IL1RAPL1: variants seen among roughly 807,000 people sequenced by gnomAD.
IL1RAPL1 encodes interleukin 1 receptor accessory protein like 1, also known as interleukin-1 receptor accessory protein-like 1.
IL1RAPL1 carries 3 observed loss-of-function variants against 48.4 expected under a neutral mutation model. The ratio of observed to expected loss-of-function variants is 0.06; its 90% CI spans 0.03 to 0.16. IL1RAPL1 has a LOEUF of 0.16. Among genes scored for constraint, IL1RAPL1 ranks in the 10% least tolerant of loss-of-function variants. IL1RAPL1 has a pLI of 1.00. For missense variants in IL1RAPL1, 349 were observed against 530.6 expected (o/e 0.66, Z 3.36); for synonymous variants, 185 against 187.7 (o/e 0.99, Z 0.12).
intron 2 of IL1RAPL1, among the ~76,000 whole-genome samples, chrX:29,059,219 G>C (rs1183804783): frequency 9.0e-6 from 1 of 110,846 alleles, no homozygotes; most frequent in Non-Finnish European, 1.9e-5. Flanking sequence ...TTTTGCCCAG[G>C]TACTATGTTT....
rs760315646 is a variant in IL1RAPL1 at position 29,009,655 on chromosome X, G to A, written c.82+220230G>A. ...CCAGTACCGTGCTGTTTTGATTACT[G>A]TAGCCTTGTAGTATGGTTTCAAATC... On this transcript the variant is annotated intron_variant, in intron 2 of 10. Transcript: ENST00000378993. Among the ~76,000 whole-genome samples, 461 of 112,164 alleles carry A rather than the reference G, an allele frequency of 4.1e-3. 1 individual carries two copies. The highest frequency in any genetic ancestry group is 0.014 in the African/African-American group (428 of 30,892).
chrX:29,156,785 A>G (rs1323629823), intron 2 of IL1RAPL1, among the ~76,000 whole-genome samples: 1 of 111,683 alleles, frequency 9.0e-6, no homozygotes, highest in African/African-American at 3.3e-5. Flanking sequence ...ACTCATTTTT[A>G]TCATAGCCAG....
intron 5 of IL1RAPL1, among the ~76,000 whole-genome samples, chrX:29,510,713 C>CTTAG (rs1332750741): frequency 9.0e-6 from 1 of 111,515 alleles, no homozygotes; most frequent in Non-Finnish European, 1.9e-5. Flanking sequence ...CCATGCCATC[C>CTTAG]TTAGGTCTTA....
intron 2 of IL1RAPL1, among the ~76,000 whole-genome samples, chrX:28,792,076 C>T (rs1445486303): frequency 8.9e-6 from 1 of 111,774 alleles, no homozygotes; most frequent in African/African-American, 3.3e-5. Context: ...AAGAGGACTT[C>T]TTATCTTTCT....
intron 2 of IL1RAPL1, among the ~76,000 whole-genome samples, chrX:28,936,274 A>G (rs755072250): frequency 1.2e-4 from 13 of 111,144 alleles, no homozygotes; most frequent in African/African-American, 3.9e-4. Flanking sequence ...AAAATAGCAT[A>G]CAGAACATTC....
chrX:29,895,069 C>G (rs749242178), intron 6 of IL1RAPL1, among the ~76,000 whole-genome samples: 2 of 108,844 alleles, frequency 1.8e-5, no homozygotes, highest in South Asian at 8.3e-4. Flanking sequence ...GGTGATCCAC[C>G]CACCTCGGCC....
intron 2 of IL1RAPL1, among the ~76,000 whole-genome samples, chrX:28,853,493 G>T (rs1272613940): frequency 3.7e-5 from 4 of 107,091 alleles, no homozygotes; most frequent in Admixed American, 3.0e-4. Context: ...GTGTGCGCGC[G>T]CACACACACA....
intron 5 of IL1RAPL1, among the ~76,000 whole-genome samples, chrX:29,448,527 T>C (rs908314815): frequency 1.8e-5 from 2 of 112,160 alleles, no homozygotes; most frequent in African/African-American, 6.5e-5. Flanking sequence ...TTACTAAGAC[T>C]CTTTGACATG....
chrX:29,037,377 G>C (rs1926752184), intron 2 of IL1RAPL1, among the ~76,000 whole-genome samples: 1 of 111,545 alleles, frequency 9.0e-6, no homozygotes. Flanking sequence ...TTAGTTCCTA[G>C]ATAGGGAGGA....
intron 8 of IL1RAPL1, among the ~76,000 whole-genome samples, chrX:29,925,806 G>A (rs569070327): frequency 1.8e-5 from 2 of 111,442 alleles, no homozygotes; most frequent in African/African-American, 6.5e-5. Flanking sequence ...TCCCAAAGTG[G>A]TGGGATTACA....
chrX:29,738,691 C>T (rs953743420), intron 6 of IL1RAPL1, among the ~76,000 whole-genome samples: 10 of 111,001 alleles, frequency 9.0e-5, no homozygotes, highest in Admixed American at 1.9e-4. Flanking sequence ...CTGCCTGCTT[C>T]GGCCTCCCGA....
chrX:29,839,877 C>T (rs113496235), intron 6 of IL1RAPL1, among the ~76,000 whole-genome samples: 171 of 112,225 alleles, frequency 1.5e-3, no homozygotes, highest in African/African-American at 5.4e-3. Flanking sequence ...GTTGTGATCA[C>T]GCCGCACCAC....
At chrX:29,718,781 T>TC (rs746969395) in intron 6 of IL1RAPL1, among the ~76,000 whole-genome samples, 2 of 109,358 alleles carry the variant, frequency 1.8e-5, no homozygotes, top group African/African-American at 6.7e-5. Flanking sequence ...ATGCAGGGAG[T>TC]CCTTGAACAG....
At chrX:29,545,455 T>A (rs1409163683) in intron 5 of IL1RAPL1, among the ~76,000 whole-genome samples, 1 of 111,645 alleles carries the variant, frequency 9.0e-6, no homozygotes, top group Non-Finnish European at 1.9e-5. Context: ...AAATCAAGAC[T>A]TAGAGCATTC....
intron 1 of IL1RAPL1, among the ~76,000 whole-genome samples, chrX:28,741,424 T>C (rs1935905106): frequency 8.9e-6 from 1 of 111,734 alleles, no homozygotes; most frequent in Admixed American, 9.5e-5. Flanking sequence ...TTAAATTCCT[T>C]ATAGATTCTA....
intron 6 of IL1RAPL1, among the ~76,000 whole-genome samples, chrX:29,724,229 C>A (rs1927718613): frequency 9.0e-6 from 1 of 111,578 alleles, no homozygotes; most frequent in South Asian, 3.8e-4. Flanking sequence ...GCTCCCAGAT[C>A]CTCCTCACTG....
intron 1 of IL1RAPL1, among the ~76,000 whole-genome samples, chrX:28,721,695 C>G (rs1405051393): frequency 9.0e-6 from 1 of 111,091 alleles, no homozygotes; most frequent in African/African-American, 3.3e-5. Flanking sequence ...ATGGTATTGC[C>G]TAGGTTTTCT....
chrX:28,670,771 T>A (rs1934940109), intron 1 of IL1RAPL1, among the ~76,000 whole-genome samples: 1 of 112,245 alleles, frequency 8.9e-6, no homozygotes, highest in Non-Finnish European at 1.9e-5. Context: ...ATTATTCTAA[T>A]GACCAGTCAT....
chrX:29,533,806 G>A (rs767884865), intron 5 of IL1RAPL1, among the ~76,000 whole-genome samples: 84 of 111,679 alleles, frequency 7.5e-4, no homozygotes, highest in Non-Finnish European at 1.3e-3. Flanking sequence ...TAAATTGATT[G>A]TTTCATACTA....
Sources: allele counts gnomAD v4.1 joint callset (sites outside exome capture counted in the v4.1 genomes callset), GRCh38; gene constraint gnomAD v4.1.1; transcripts MANE v1.5; gene names NCBI Gene and HGNC (gene_info 2026-07-23, HGNC 2026-07-21).